The following TMEM50A variants were observed in gnomAD, a reference collection of about 807,000 sequenced individuals.
The protein encoded by TMEM50A is transmembrane protein 50A, also known as cervical cancer oncogene 9.
A neutral mutation model predicts 23.9 loss-of-function variants in TMEM50A; 8 were observed. The observed-to-expected ratio is 0.33, with a 90% CI of 0.20 to 0.60. The LOEUF is 0.60. Among genes scored for constraint, TMEM50A ranks in the 20% least tolerant of loss-of-function variants. TMEM50A has a pLI of 0.81. For missense variants in TMEM50A, 178 were observed against 192.7 expected (o/e 0.92, Z 0.45); for synonymous variants, 55 against 60.4 (o/e 0.91, Z 0.41).
chr1:25,351,790 CTG>C, intron 4 of TMEM50A, 97 bp downstream of exon 4: 1 of 996,672 alleles, frequency 1.0e-6, no homozygotes, highest in African/African-American at 1.7e-5. Context: ...TTTAATATAT[CTG>C]TGAGTAACAG....
intron 5 of TMEM50A, among the ~76,000 whole-genome samples, chr1:25,354,987 G>C (rs1339786013): frequency 6.6e-6 from 1 of 152,172 alleles, no homozygotes; most frequent in Non-Finnish European, 1.5e-5. Context: ...GGCCAGGCTG[G>C]TCTTGAACTC....
chr1:25,347,645 T>C (rs1418396671), intron 3 of TMEM50A, among the ~76,000 whole-genome samples: 1 of 152,236 alleles, frequency 6.6e-6, no homozygotes, highest in African/African-American at 2.4e-5. Flanking sequence ...TACTTAAGTG[T>C]AAACACAGTA....
At chr1:25,352,664 C>T (rs1212310487) in intron 4 of TMEM50A, among the ~76,000 whole-genome samples, 1 of 151,920 alleles carries the variant, frequency 6.6e-6, no homozygotes, top group Admixed American at 6.6e-5. Flanking sequence ...CTTATACAGA[C>T]TCATAAATAA....
At chr1:25,343,290 ATTC>A (rs1421972398) in intron 3 of TMEM50A, among the ~76,000 whole-genome samples, 1 of 152,154 alleles carries the variant, frequency 6.6e-6, no homozygotes, top group Non-Finnish European at 1.5e-5. Context: ...TCTCTCAGCT[ATTC>A]TTTTATTTTA....
intron 3 of TMEM50A, among the ~76,000 whole-genome samples, chr1:25,348,506 G>A: frequency 6.6e-6 from 1 of 152,218 alleles, no homozygotes; most frequent in South Asian, 2.1e-4. Flanking sequence ...CCAACATGAT[G>A]AAGCCCCGTC....
At chr1:25,351,787 T>A in intron 4 of TMEM50A, 94 bp downstream of exon 4, 1 of 1,045,298 alleles carries the variant, frequency 9.6e-7, no homozygotes, top group Non-Finnish European at 1.4e-6. Context: ...TGTTTTAATA[T>A]ATCTGTGAGT....
intron 5 of TMEM50A, 78 bp downstream of exon 5, chr1:25,353,052 A>C (rs565421210): frequency 2.4e-5 from 34 of 1,403,218 alleles, no homozygotes; most frequent in Middle Eastern, 1.8e-4. Flanking sequence ...TTTAGAATAA[A>C]ATTTTTTTCC....
At chr1:25,359,036 T>A (rs572170521) in intron 6 of TMEM50A, among the ~76,000 whole-genome samples, 7 of 152,346 alleles carry the variant, frequency 4.6e-5, no homozygotes, top group South Asian at 2.1e-4. Context: ...ATTACAGGCA[T>A]GAGCCACTGT....
chr1:25,349,203 A>T (rs1645253246), intron 3 of TMEM50A, among the ~76,000 whole-genome samples: 1 of 152,218 alleles, frequency 6.6e-6, no homozygotes, highest in Non-Finnish European at 1.5e-5. Context: ...CCAGTTATGG[A>T]GCATCATGTT....
intron 3 of TMEM50A, among the ~76,000 whole-genome samples, chr1:25,348,219 T>A (rs1426820764): frequency 2.0e-5 from 3 of 152,228 alleles, no homozygotes; most frequent in African/African-American, 7.2e-5. Flanking sequence ...CAGGCCATAA[T>A]TTTAAACAAA....
At chr1:25,344,261 C>T (rs1294172936) in intron 3 of TMEM50A, among the ~76,000 whole-genome samples, 1 of 152,092 alleles carries the variant, frequency 6.6e-6, no homozygotes, top group African/African-American at 2.4e-5. Flanking sequence ...ACTTTACTTT[C>T]ATTGTAAGTG....
chr1:25,355,740 T>C (rs1050834586), intron 5 of TMEM50A, among the ~76,000 whole-genome samples: 4 of 152,240 alleles, frequency 2.6e-5, no homozygotes, highest in Non-Finnish European at 5.9e-5. Flanking sequence ...CCTCTGTCAA[T>C]GAGCAGTCAT....
intron 4 of TMEM50A, among the ~76,000 whole-genome samples, chr1:25,352,066 CT>C (rs1196720431): frequency 5.3e-5 from 8 of 152,164 alleles, no homozygotes; most frequent in Non-Finnish European, 1.0e-4. Context: ...TTCCTAAGTT[CT>C]AGTCACAGTA....
chr1:25,339,440 A>C (rs1645143293), intron 1 of TMEM50A, among the ~76,000 whole-genome samples: 1 of 152,232 alleles, frequency 6.6e-6, no homozygotes, highest in South Asian at 2.1e-4. Flanking sequence ...GGGATATTAA[A>C]GTGGATGTTC....
chr1:25,341,698 GATTT>G (rs1238594835), intron 2 of TMEM50A, among the ~76,000 whole-genome samples: 1 of 151,662 alleles, frequency 6.6e-6, no homozygotes, highest in Non-Finnish European at 1.5e-5. Flanking sequence ...TAAGCTTTAA[GATTT>G]ATTTATTTTC....
chr1:25,340,721 A>C, intron 2 of TMEM50A, 142 bp downstream of exon 2: 1 of 624,942 alleles, frequency 1.6e-6, no homozygotes, highest in South Asian at 2.6e-5. Context: ...TTGTTTGTGG[A>C]GAGTTATTAG....
At chr1:25,360,348 CAAA>C (rs766272933) in intron 6 of TMEM50A, among the ~76,000 whole-genome samples, 3 of 81,382 alleles carry the variant, frequency 3.7e-5, no homozygotes, top group Non-Finnish European at 5.7e-5. Context: ...GACTCTGTCT[CAAA>C]AAAAAAAAAA....
chr1:25,344,323 T>C (rs2124239528), intron 3 of TMEM50A, among the ~76,000 whole-genome samples: 1 of 152,292 alleles, frequency 6.6e-6, no homozygotes, highest in South Asian at 2.1e-4. Context: ...GACCTTATAT[T>C]TTAATAGGAG....
intron 3 of TMEM50A, among the ~76,000 whole-genome samples, chr1:25,350,530 A>G (rs1557586564): frequency 6.6e-6 from 1 of 152,152 alleles, no homozygotes; most frequent in Non-Finnish European, 1.5e-5. Flanking sequence ...CTAGGATTAC[A>G]GGCATGTGCC....
Sources: allele counts gnomAD v4.1 joint callset (sites outside exome capture counted in the v4.1 genomes callset), GRCh38; gene constraint gnomAD v4.1.1; transcripts MANE v1.5; gene names NCBI Gene and HGNC (gene_info 2026-07-23, HGNC 2026-07-21).